Variants in C8orf34 observed in about 807,000 individuals in gnomAD.
C8orf34 encodes the protein chromosome 8 open reading frame 34.
Under a neutral mutation model 68.3 loss-of-function variants are expected in C8orf34, and 65 were observed. The ratio of observed to expected loss-of-function variants is 0.95; its 90% CI spans 0.78 to 1.17. The LOEUF (loss-of-function observed/expected upper bound fraction) is 1.17, where lower values mean the gene tolerates loss of function less well. Among genes scored for constraint, C8orf34 ranks in the 50% most tolerant of loss-of-function variants. C8orf34 has a pLI of 0.00. For missense variants in C8orf34, 664 were observed against 655.4 expected, an observed-to-expected ratio of 1.01 and a Z score of -0.14; for synonymous variants, 244 against 241.2, an observed-to-expected ratio of 1.01 and a Z score of -0.11.
intron 1 of C8orf34, among the ~76,000 whole-genome samples, chr8:68,360,999 C>A (rs888074115): frequency 2.0e-4 from 30 of 152,062 alleles, no homozygotes; most frequent in African/African-American, 6.5e-4. Context: ...AGGTCATCCA[C>A]CCACCTTGGC....
At chr8:68,764,639 G>A (rs1171640772) in intron 10 of C8orf34, among the ~76,000 whole-genome samples, 1 of 152,148 alleles carries the variant, frequency 6.6e-6, no homozygotes, top group Admixed American at 6.5e-5. Context: ...GTCTGGAAGA[G>A]GAAAGGAATG....
chr8:68,692,053 C>T lies in C8orf34; in HGVS notation c.1242-16941C>T, dbSNP rs535298391. ...GAGGAGGGTTATGTAGCAAAAAAGG[C>T]AAGAAACACTCATGTTTGCAATATG... is the stretch of plus-strand genomic sequence containing the variant. On this transcript the variant is annotated intron_variant, in intron 8 of 13. Transcript: ENST00000518698. 5.9e-5 allele frequency among the ~76,000 whole-genome samples: 9 copies of T among 151,956 alleles called. No individual in the cohort carries two copies. The South Asian group carries it at 1.7e-3, about 28-fold the overall frequency.
At chr8:68,778,006 T>A (rs1823570907) in intron 11 of C8orf34, among the ~76,000 whole-genome samples, 1 of 152,162 alleles carries the variant, frequency 6.6e-6, no homozygotes, top group Non-Finnish European at 1.5e-5. Context: ...AGATTTTAGC[T>A]CTTTCTTAAG....
At chr8:68,424,061 C>CCCCT (rs987316320) in intron 1 of C8orf34, among the ~76,000 whole-genome samples, 9 of 152,054 alleles carry the variant, frequency 5.9e-5, no homozygotes, top group African/African-American at 2.2e-4. Context: ...ATCACCTGTG[C>CCCCT]CCCTGCCTTC....
intron 3 of C8orf34, among the ~76,000 whole-genome samples, chr8:68,454,617 T>G (rs1586171475): frequency 6.6e-6 from 1 of 152,044 alleles, no homozygotes; most frequent in African/African-American, 2.4e-5. Context: ...CTTTTGTTTC[T>G]AATTTTAATA....
chr8:68,516,551 G>A (rs2129633765), intron 5 of C8orf34, among the ~76,000 whole-genome samples: 1 of 152,246 alleles, frequency 6.6e-6, no homozygotes, highest in South Asian at 2.1e-4. Context: ...TCCTGGATAG[G>A]TGAGCTTCTT....
intron 7 of C8orf34, among the ~76,000 whole-genome samples, chr8:68,631,255 C>T (rs1407312698): frequency 6.6e-6 from 1 of 151,544 alleles, no homozygotes; most frequent in Non-Finnish European, 1.5e-5. Context: ...GAGCAAGACT[C>T]TATCTCAAAA....
Position 68,787,428 on chromosome 8 carries a change from T to C in C8orf34, c.1456-15T>C. ...AAAACAGAGTTTAATCTAAAATAAA[T>C]GTGTTCTTTTGCAGGATGAATCCTT... On this transcript the variant is annotated splice_polypyrimidine_tract_variant and intron_variant, in intron 11 of 13. Transcript: ENST00000518698. 1 of 1,589,020 alleles carries C rather than the reference T, an allele frequency of 6.3e-7. No individual in the cohort carries two copies. The highest frequency in any genetic ancestry group is 8.6e-7 in the Non-Finnish European group (1 of 1,160,324).
In C8orf34 at chr8:68,340,245, T is replaced by C. The variant is rs568021416; in HGVS notation, c.327+8906T>C. Among the ~76,000 whole-genome samples the C allele has an allele frequency of 5.9e-5, 9 of 152,218 alleles. No homozygotes were observed. The East Asian group carries it at 1.7e-3, about 29-fold the overall frequency. ...TAGCCCCAAATTGAAAATAGGTGGA[T>C]TGATACGTTATTGGATAAAAAATTT... On this transcript the variant is annotated intron_variant, in intron 1 of 13. Coordinates refer to ENST00000518698, the MANE Select transcript of C8orf34 (RefSeq NM_052958.4).
chr8:68,737,710 A>G (rs1822162410), intron 10 of C8orf34, among the ~76,000 whole-genome samples: 2 of 152,126 alleles, frequency 1.3e-5, no homozygotes, highest in South Asian at 4.1e-4. Flanking sequence ...AGTTCAATTC[A>G]AGAAGACTGA....
intron 7 of C8orf34, among the ~76,000 whole-genome samples, chr8:68,568,275 TC>T (rs758945157): frequency 2.6e-5 from 4 of 151,978 alleles, no homozygotes; most frequent in Non-Finnish European, 5.9e-5. Flanking sequence ...AGGAACTTTT[TC>T]TTTATATTCA....
chr8:68,544,193 G>T (rs145989018), intron 7 of C8orf34, among the ~76,000 whole-genome samples: 1 of 152,262 alleles, frequency 6.6e-6, no homozygotes, highest in African/African-American at 2.4e-5. Flanking sequence ...TCTTACAAGA[G>T]CAGGACCACT....
At chr8:68,358,472 C>G (rs954832078) in intron 1 of C8orf34, among the ~76,000 whole-genome samples, 1 of 151,534 alleles carries the variant, frequency 6.6e-6, no homozygotes, top group Admixed American at 6.6e-5. Context: ...TAGCCTCCTT[C>G]ATGCCACAAT....
intron 10 of C8orf34, among the ~76,000 whole-genome samples, chr8:68,722,929 T>A (rs1345274045): frequency 6.6e-6 from 1 of 152,114 alleles, no homozygotes; most frequent in Non-Finnish European, 1.5e-5. Flanking sequence ...AGTTCAGCAT[T>A]TCCCATCTCT....
intron 8 of C8orf34, among the ~76,000 whole-genome samples, chr8:68,660,223 T>C (rs1382846597): frequency 1.3e-5 from 2 of 152,068 alleles, no homozygotes; most frequent in Non-Finnish European, 2.9e-5. Context: ...TCAAGAGAAA[T>C]ACAGACTGAA....
chr8:68,605,913 A>G (rs1817839693), intron 7 of C8orf34, among the ~76,000 whole-genome samples: 1 of 152,134 alleles, frequency 6.6e-6, no homozygotes, highest in South Asian at 2.1e-4. Context: ...CATCAGTTGT[A>G]ACAGATGAAC....
chr8:68,788,726 G>A (rs990304379), intron 12 of C8orf34, among the ~76,000 whole-genome samples: 2 of 152,142 alleles, frequency 1.3e-5, no homozygotes, highest in African/African-American at 4.8e-5. Context: ...GGCCATGGTG[G>A]TGCTCACCTG....
intron 8 of C8orf34, among the ~76,000 whole-genome samples, chr8:68,689,576 ATGT>A (rs1820628071): frequency 6.6e-6 from 1 of 152,040 alleles, no homozygotes; most frequent in African/African-American, 2.4e-5. Flanking sequence ...AATAACTTAA[ATGT>A]TCATCATCAG....
At chr8:68,569,399 C>T (rs115211004) in intron 7 of C8orf34, among the ~76,000 whole-genome samples, 1 of 152,208 alleles carries the variant, frequency 6.6e-6, no homozygotes, top group African/African-American at 2.4e-5. Context: ...AGACAGCAAA[C>T]ACAAACAGGA....
Sources: allele counts gnomAD v4.1 joint callset (sites outside exome capture counted in the v4.1 genomes callset), GRCh38; gene constraint gnomAD v4.1.1; transcripts MANE v1.5; gene names NCBI Gene and HGNC (gene_info 2026-07-23, HGNC 2026-07-21).